DMD: variants seen among roughly 807,000 people sequenced by gnomAD.
DMD encodes the protein dystrophin.
DMD carries 63 observed loss-of-function variants against 330.1 expected under a neutral mutation model. That is an observed-to-expected ratio of 0.19 (90% CI 0.16 to 0.24). DMD has a LOEUF of 0.24. Among genes scored for constraint, DMD ranks in the 10% least tolerant of loss-of-function variants. The pLI, the probability that DMD is intolerant of heterozygous loss-of-function variation, is 1.00. For missense variants in DMD, 3,344 were observed against 2,684.1 expected (o/e 1.25, Z -5.43); for synonymous variants, 1,223 against 959.8 (o/e 1.27, Z -5.07).
Position 31,596,455 on chromosome X carries a change from A to C in DMD, c.8217+31218T>G, listed in dbSNP as rs775554729. ...GATACTACTCTGATACAGCTTAATA[A>C]ATTTGTATTCAGCTGCTGAAACACT... is the stretch of plus-strand genomic sequence containing the variant. On this transcript the variant is annotated intron_variant, in intron 55 of 78. Coordinates refer to ENST00000357033, the MANE Select transcript of DMD (RefSeq NM_004006.3). Among the ~76,000 whole-genome samples the C allele has an allele frequency of 4.5e-5, 5 of 111,968 alleles. No homozygotes were observed. In the South Asian group the frequency reaches 1.8e-3, roughly 41 times the overall value.
chrX:33,145,190 T>C (rs1029192622), intron 1 of DMD, among the ~76,000 whole-genome samples: 10 of 112,274 alleles, frequency 8.9e-5, no homozygotes, highest in African/African-American at 3.2e-4. Context: ...TTCCAGGCTA[T>C]CTTGCTAACT....
At chrX:33,007,093 A>G (rs1370894399) in intron 2 of DMD, among the ~76,000 whole-genome samples, 1 of 110,598 alleles carries the variant, frequency 9.0e-6, no homozygotes, top group Non-Finnish European at 1.9e-5. Flanking sequence ...TCATCTCTCT[A>G]CTTCTACCTT....
chrX:32,309,400 T>C (rs1436445339), intron 42 of DMD, among the ~76,000 whole-genome samples: 2 of 111,132 alleles, frequency 1.8e-5, no homozygotes, highest in African/African-American at 6.5e-5. Flanking sequence ...ATGAAAATTA[T>C]CTGGAGACAC....
chrX:31,990,155 C>T (rs2095540341), intron 44 of DMD, among the ~76,000 whole-genome samples: 1 of 112,283 alleles, frequency 8.9e-6, no homozygotes, highest in South Asian at 3.7e-4. Context: ...GTCTTCATAA[C>T]GTAAGTGGAA....
chrX:31,483,256 C>T (rs758396085), intron 57 of DMD, among the ~76,000 whole-genome samples: 36 of 108,865 alleles, frequency 3.3e-4, no homozygotes, highest in Non-Finnish European at 4.4e-4. Context: ...CCGTGTTAGC[C>T]AGGATGGTCT....
intron 9 of DMD, among the ~76,000 whole-genome samples, chrX:32,692,548 C>A (rs953738046): frequency 2.7e-5 from 3 of 111,775 alleles, no homozygotes; most frequent in African/African-American, 9.8e-5. Context: ...CCCCTCCCAA[C>A]ACAGGATTGC....
chrX:32,474,922 T>A (rs1235700669), intron 21 of DMD, among the ~76,000 whole-genome samples: 1 of 111,683 alleles, frequency 9.0e-6, no homozygotes, highest in Non-Finnish European at 1.9e-5. Flanking sequence ...GGTCATGAAA[T>A]CCTTGCCTAA....
intron 43 of DMD, among the ~76,000 whole-genome samples, chrX:32,239,340 CTCT>C (rs1241939803): frequency 3.6e-5 from 4 of 111,520 alleles, no homozygotes; most frequent in Non-Finnish European, 5.6e-5. Context: ...TTTATTTCTG[CTCT>C]TCATTTTTAA....
At position 32,123,202 on chromosome X, in the gene DMD, C is replaced by CATATATATATATATAT. The variant is rs59017074; in HGVS notation, c.6438+93698_6438+93713dup. ...TAAGGTGAATGGTTTTGTGAGCATG[C>CATATATATATATATAT]ATATATATATATATATATATATATA... On this transcript the variant is annotated intron_variant, in intron 44 of 78. Coordinates refer to ENST00000357033, the MANE Select transcript of DMD (RefSeq NM_004006.3). Among the ~76,000 whole-genome samples, 80 of 32,557 alleles carry CATATATATATATATAT rather than the reference C, an allele frequency of 2.5e-3. 1 individual carries two copies. The highest frequency in any genetic ancestry group is 3.1e-3 in the Non-Finnish European group (61 of 19,845). The allele number at this position is 32,557 out of a possible 115,157, so 28.3% of individuals were successfully genotyped here.
At chrX:32,555,742 T>C (rs1478281013) in intron 16 of DMD, among the ~76,000 whole-genome samples, 3 of 111,858 alleles carry the variant, frequency 2.7e-5, no homozygotes, top group Non-Finnish European at 5.6e-5. Context: ...ACTGCCTATT[T>C]AATACATAGT....
chrX:32,417,397 C>T (rs2098170139), intron 29 of DMD, among the ~76,000 whole-genome samples: 1 of 111,197 alleles, frequency 9.0e-6, no homozygotes, highest in South Asian at 3.8e-4. Context: ...TTGTCCCATG[C>T]AAGTAAGTGG....
At chrX:32,196,796 T>C (rs780353874) in intron 44 of DMD, among the ~76,000 whole-genome samples, 2 of 109,299 alleles carry the variant, frequency 1.8e-5, no homozygotes, top group Non-Finnish European at 3.8e-5. Flanking sequence ...CCATCCTGGC[T>C]AACACGGTGA....
At chrX:32,815,520 T>TATATATATATACACACACACACAC in intron 6 of DMD, among the ~76,000 whole-genome samples, 119 of 78,874 alleles carry the variant, frequency 1.5e-3, no homozygotes, top group African/African-American at 6.0e-3. Flanking sequence ...TATATATATA[T>TATATATATATACACACACACACAC]ACACACACAC....
chrX:31,360,820 A>T (rs1376449675), intron 60 of DMD, among the ~76,000 whole-genome samples: 1 of 112,519 alleles, frequency 8.9e-6, no homozygotes, highest in Non-Finnish European at 1.9e-5. Context: ...CTTATCATTC[A>T]TTCTCATTGT....
chrX:33,097,883 G>T (rs1269959555), intron 1 of DMD, among the ~76,000 whole-genome samples: 1 of 110,804 alleles, frequency 9.0e-6, no homozygotes, highest in Non-Finnish European at 1.9e-5. Flanking sequence ...CCAAAGTGCT[G>T]GGATTACAGG....
intron 12 of DMD, among the ~76,000 whole-genome samples, chrX:32,610,063 G>A (rs933406963): frequency 5.4e-5 from 6 of 111,204 alleles, no homozygotes; most frequent in Non-Finnish European, 9.5e-5. Flanking sequence ...ATAGCATCAT[G>A]CCACTCCTTC....
At chrX:32,049,361 C>A (rs1375164619) in intron 44 of DMD, among the ~76,000 whole-genome samples, 1 of 111,416 alleles carries the variant, frequency 9.0e-6, no homozygotes, top group African/African-American at 3.3e-5. Context: ...ATAAATTATT[C>A]ATGCATAACC....
At chrX:33,241,363 A>C (rs1015575483) in intron 1 of DMD, among the ~76,000 whole-genome samples, 1 of 112,060 alleles carries the variant, frequency 8.9e-6, no homozygotes, top group African/African-American at 3.2e-5. Context: ...TCAGCTGGCT[A>C]TAATTCTGTG....
intron 51 of DMD, among the ~76,000 whole-genome samples, chrX:31,761,174 C>T (rs113943497): frequency 0.044 from 4,917 of 110,696 alleles, 113 homozygotes; most frequent in Middle Eastern, 0.12. Context: ...CGTGAGCCAC[C>T]GCGCCTGGCC....
Sources: allele counts gnomAD v4.1 joint callset (sites outside exome capture counted in the v4.1 genomes callset), GRCh38; gene constraint gnomAD v4.1.1; transcripts MANE v1.5; gene names NCBI Gene and HGNC (gene_info 2026-07-23, HGNC 2026-07-21).